Variants in BRWD3 observed in about 807,000 individuals in gnomAD.
The protein encoded by BRWD3 is bromodomain and WD repeat-containing protein 3.
In BRWD3, 10 loss-of-function variants were observed where a neutral mutation model predicts 149.7. The observed-to-expected ratio is 0.07, with a 90% confidence interval of 0.04 to 0.11. BRWD3 has a LOEUF of 0.11. Among genes scored for constraint, BRWD3 ranks in the 10% least tolerant of loss-of-function variants. BRWD3 has a pLI of 1.00. For missense variants in BRWD3, 940 were observed against 1,373.2 expected, an observed-to-expected ratio of 0.68 and a Z score of 4.99; for synonymous variants, 504 against 456.7, an observed-to-expected ratio of 1.10 and a Z score of -1.32.
intron 24 of BRWD3, among the ~76,000 whole-genome samples, chrX:80,702,218 C>T (rs775615171): frequency 6.2e-5 from 7 of 112,225 alleles, no homozygotes; most frequent in Non-Finnish European, 1.1e-4. Context: ...TATTCATTGT[C>T]TGGTTTACAT....
At chrX:80,737,554 G>A (rs1445356536) in intron 8 of BRWD3, among the ~76,000 whole-genome samples, 1 of 112,133 alleles carries the variant, frequency 8.9e-6, no homozygotes, top group Non-Finnish European at 1.9e-5. Context: ...GCTTAATCTG[G>A]CTGGGCGCAG....
chrX:80,702,166 T>A (rs182818504), intron 24 of BRWD3, among the ~76,000 whole-genome samples: 1 of 112,433 alleles, frequency 8.9e-6, no homozygotes, highest in African/African-American at 3.2e-5. Flanking sequence ...ATATAAAAAG[T>A]GTATGTTTGC....
intron 6 of BRWD3, among the ~76,000 whole-genome samples, chrX:80,753,947 G>C (rs971830747): frequency 8.9e-6 from 1 of 111,796 alleles, no homozygotes; most frequent in Non-Finnish European, 1.9e-5. Flanking sequence ...ATTTACATCA[G>C]GTAACATGAT....
At chrX:80,768,556 G>A (rs959491634) in intron 6 of BRWD3, among the ~76,000 whole-genome samples, 2 of 111,350 alleles carry the variant, frequency 1.8e-5, no homozygotes, top group Non-Finnish European at 1.9e-5. Context: ...CACCAGTCCT[G>A]CCTTACAAGA....
intron 4 of BRWD3, among the ~76,000 whole-genome samples, chrX:80,801,515 C>G (rs1224588335): frequency 9.2e-6 from 1 of 108,839 alleles, no homozygotes; most frequent in Admixed American, 9.9e-5. Flanking sequence ...CGCGCCCGGA[C>G]GAGAAAACAT....
intron 27 of BRWD3, among the ~76,000 whole-genome samples, chrX:80,694,471 C>T (rs749412550): frequency 1.8e-5 from 2 of 110,799 alleles, no homozygotes; most frequent in South Asian, 4.0e-4. Context: ...GCAGATCCAC[C>T]GACAACGTGC....
intron 37 of BRWD3, 54 bp from the exon 38 acceptor site, chrX:80,682,682 T>C: frequency 1.8e-6 from 2 of 1,097,502 alleles, no homozygotes; most frequent in Non-Finnish European, 2.5e-6. Flanking sequence ...TAAAAAAAGG[T>C]ATAAACATGC....
chrX:80,773,179 G>T (rs942106204), intron 6 of BRWD3, among the ~76,000 whole-genome samples: 2 of 111,581 alleles, frequency 1.8e-5, no homozygotes, highest in Non-Finnish European at 3.8e-5. Flanking sequence ...GGATACGCAA[G>T]TACTAAAAGT....
At chrX:80,767,320 G>C (rs1459887219) in intron 6 of BRWD3, among the ~76,000 whole-genome samples, 1 of 111,556 alleles carries the variant, frequency 9.0e-6, no homozygotes, top group Non-Finnish European at 1.9e-5. Context: ...ACCTCATACA[G>C]CCCGGTGCCC....
chrX:80,730,413 G>GAAAGAA (rs2073310642), intron 12 of BRWD3, among the ~76,000 whole-genome samples: 1 of 106,369 alleles, frequency 9.4e-6, no homozygotes, highest in South Asian at 4.2e-4. Context: ...AAGAAAGAAA[G>GAAAGAA]AAAGAAAGAA....
At chrX:80,800,916 G>A (rs1009917020) in intron 4 of BRWD3, among the ~76,000 whole-genome samples, 1 of 109,964 alleles carries the variant, frequency 9.1e-6, no homozygotes, top group Non-Finnish European at 1.9e-5. Flanking sequence ...CACCAGAAGC[G>A]ACCCTCCTAG....
Position 80,716,218 on chromosome X carries a change from T to C in BRWD3, c.2264A>G (p.Asp755Gly), listed in dbSNP as rs146207659. The C allele has an allele frequency of 1.7e-5, 21 of 1,210,212 alleles. No homozygotes were observed. Among genetic ancestry groups the C allele is most frequent in the Non-Finnish European group, 2.1e-5 (19 of 894,262 alleles). Residue 755 changes from aspartate (D) to glycine (G), a missense_variant, in exon 20 of 41, where the codon GAC becomes GGC. Physicochemically the swap from Asp to Gly is moderately conservative, Grantham distance 94 (BLOSUM62 -1). Coordinates refer to ENST00000373275, the MANE Select transcript of BRWD3 (RefSeq NM_153252.5). Reference sequence around the variant, plus strand: ...AACTGTATAAAGACTGATTTCTATGTCACCTTTTGCAGTTCGACATTCTTC... The same window carrying C: ...AACTGTATAAAGACTGATTTCTATGCCACCTTTTGCAGTTCGACATTCTTC... ...VQEECRTAKG[D>G]IEISLYTVEK...
chrX:80,700,609 T>C (rs1440527942), intron 24 of BRWD3, among the ~76,000 whole-genome samples: 5 of 104,816 alleles, frequency 4.8e-5, no homozygotes, highest in Non-Finnish European at 9.8e-5. Context: ...TGGTGACACA[T>C]GCCTGTAATC....
chrX:80,777,886 A>C (rs929718872), intron 6 of BRWD3, among the ~76,000 whole-genome samples: 1 of 111,319 alleles, frequency 9.0e-6, no homozygotes, highest in Non-Finnish European at 1.9e-5. Flanking sequence ...TCCTGGGCTA[A>C]ATGGGTCCTC....
intron 9 of BRWD3, among the ~76,000 whole-genome samples, chrX:80,735,486 A>G (rs2073390157): frequency 9.0e-6 from 1 of 111,708 alleles, no homozygotes; most frequent in South Asian, 3.7e-4. Context: ...ATAAAATCCT[A>G]CCAAGATTTT....
chrX:80,673,312 A>G lies in BRWD3; in HGVS notation c.*3297T>C, dbSNP rs887012917. On this transcript the variant is annotated 3_prime_UTR_variant, in exon 41 of 41. Transcript: ENST00000373275. ...AGAAAAAAAATTAAAAAGGGAAATA[A>G]AAAGAATAGAGGGACACAGGTATAT... 4.5e-5 allele frequency: 5 copies of G among 111,272 alleles called. No homozygotes were observed. The highest frequency in any genetic ancestry group is 9.4e-5 in the Non-Finnish European group (5 of 53,019). The allele number at this position is 111,272 out of a possible 1,213,427, so 9.2% of individuals were successfully genotyped here. A position where few individuals can be genotyped will look rare whatever the true frequency, so the allele number is the denominator to read the frequency against.
At chrX:80,697,249 G>GTA (rs2072713628) in intron 25 of BRWD3, among the ~76,000 whole-genome samples, 1 of 111,537 alleles carries the variant, frequency 9.0e-6, no homozygotes, top group African/African-American at 3.3e-5. Context: ...AAGCATCCAG[G>GTA]TATATATGTA....
chrX:80,677,628 T>C (rs2072382275), intron 40 of BRWD3, among the ~76,000 whole-genome samples: 1 of 111,682 alleles, frequency 9.0e-6, no homozygotes, highest in South Asian at 3.7e-4. Context: ...CAGGAAGAAT[T>C]ACCTGAGAAC....
chrX:80,799,516 T>C (rs57027733), intron 4 of BRWD3, among the ~76,000 whole-genome samples: 18,200 of 111,604 alleles, frequency 0.16, 1,142 homozygotes, highest in South Asian at 0.43. Flanking sequence ...TGTAACATTT[T>C]GCCTGGGTCT....
Sources: gnomAD v4.1 joint callset for allele counts (sites outside exome capture counted in the v4.1 genomes callset) on GRCh38, gnomAD v4.1.1 for gene constraint, MANE v1.5 for transcripts, NCBI Gene and HGNC (gene_info 2026-07-23, HGNC 2026-07-21) for gene names.